NRG1: variants seen among roughly 807,000 people sequenced by gnomAD.
NRG1 encodes the protein neuregulin 1, also known as pro-neuregulin-1, membrane-bound isoform.
NRG1 carries 18 observed loss-of-function variants against 63.8 expected under a neutral mutation model. That is an observed-to-expected ratio of 0.28 (90% CI 0.19 to 0.42). NRG1 has a LOEUF of 0.42. Ranked by LOEUF, NRG1 falls within the 10% of genes least tolerant of loss-of-function variation. The probability of loss-of-function intolerance (pLI) is 1.00; values close to 1 mark genes in which losing one functional copy is unlikely to be tolerated. For synonymous variants in NRG1, 302 were observed against 301.3 expected (o/e 1.00, Z -0.02); for missense variants, 762 against 814.7 (o/e 0.94, Z 0.79).
At position 32,670,820 on chromosome 8, in the gene NRG1, T is replaced by C. The variant is rs149296367; in HGVS notation, c.502+53935T>C. On this transcript the variant is annotated intron_variant, in intron 5 of 11. Coordinates refer to ENST00000356819, the Ensembl canonical transcript of NRG1. Reference sequence around the variant, plus strand: ...TGGTTTGCTTAAAATCACACATCCATGGGTAAGCAAGGTGATGGATAATCA... The same window carrying C: ...TGGTTTGCTTAAAATCACACATCCACGGGTAAGCAAGGTGATGGATAATCA... 1.2e-4 allele frequency among the ~76,000 whole-genome samples: 19 copies of C among 152,264 alleles called. No homozygotes were observed. In the East Asian group the frequency reaches 3.7e-3, roughly 29 times the overall value.
At chr8:32,023,392 G>A (rs1816755012) in intron 1 of NRG1, among the ~76,000 whole-genome samples, 1 of 152,142 alleles carries the variant, frequency 6.6e-6, no homozygotes. Flanking sequence ...AAAAATCCTG[G>A]AATGTGCAGG....
intron 1 of NRG1, among the ~76,000 whole-genome samples, chr8:32,396,653 G>C (rs1812473247): frequency 6.6e-6 from 1 of 152,116 alleles, no homozygotes; most frequent in Non-Finnish European, 1.5e-5. Context: ...TCACTATGTT[G>C]GTTAGGCTAG....
At chr8:32,253,239 A>G (rs1303458269) in intron 1 of NRG1, among the ~76,000 whole-genome samples, 1 of 152,174 alleles carries the variant, frequency 6.6e-6, no homozygotes, top group Non-Finnish European at 1.5e-5. Flanking sequence ...AATGTTGAAT[A>G]GGAGTGGTGA....
At chr8:32,278,125 G>A (rs1198604357) in intron 1 of NRG1, among the ~76,000 whole-genome samples, 1 of 152,266 alleles carries the variant, frequency 6.6e-6, no homozygotes, top group African/African-American at 2.4e-5. Flanking sequence ...CTGTTTCTCA[G>A]AGATCCTGGA....
intron 3 of NRG1, among the ~76,000 whole-genome samples, chr8:32,608,270 C>G (rs1845702403): frequency 6.6e-6 from 1 of 151,482 alleles, no homozygotes; most frequent in Admixed American, 6.6e-5. Flanking sequence ...CCTCTGACTC[C>G]TGGACTGAAG....
chr8:32,198,534 G>A (rs1843190284), intron 1 of NRG1, among the ~76,000 whole-genome samples: 1 of 152,186 alleles, frequency 6.6e-6, no homozygotes, highest in Admixed American at 6.5e-5. Flanking sequence ...GATATGTAAT[G>A]CAGCAATTGC....
rs375749968 is a variant in NRG1, at chr8:31,786,580, G to A, written c.37+147149G>A. 1.3e-4 allele frequency among the ~76,000 whole-genome samples: 20 copies of A among 152,266 alleles called. 2 individuals carry two copies. The highest frequency in any genetic ancestry group is 4.1e-4 in the South Asian group (2 of 4,828). Reference sequence around the variant, plus strand: ...CCAGTCACAAGCTCCAGTTTGTTGCGTCTGTGCTTCCAGCCAGCTGGCTAT... The same window carrying A: ...CCAGTCACAAGCTCCAGTTTGTTGCATCTGTGCTTCCAGCCAGCTGGCTAT... On this transcript the variant is annotated intron_variant, in intron 1 of 10. Coordinates refer to the NRG1 transcript ENST00000519301.
At chr8:31,745,073 G>A (rs1258715966) in intron 1 of NRG1, among the ~76,000 whole-genome samples, 1 of 151,956 alleles carries the variant, frequency 6.6e-6, no homozygotes, top group African/African-American at 2.4e-5. Flanking sequence ...GTTAATGCTT[G>A]TCAGAATTTT....
At chr8:31,781,481 C>T (rs1427091318) in intron 1 of NRG1, among the ~76,000 whole-genome samples, 10 of 152,130 alleles carry the variant, frequency 6.6e-5, no homozygotes, top group Admixed American at 6.5e-4. Flanking sequence ...CCAATGGGAA[C>T]TTGACATAGA....
intron 1 of NRG1, among the ~76,000 whole-genome samples, chr8:31,931,430 G>C (rs1159191390): frequency 6.6e-6 from 1 of 152,108 alleles, no homozygotes; most frequent in African/African-American, 2.4e-5. Flanking sequence ...GTGTGACCTT[G>C]GGCAAGCTTT....
At chr8:32,048,292 C>T (rs1563723627) in intron 1 of NRG1, among the ~76,000 whole-genome samples, 1 of 149,702 alleles carries the variant, frequency 6.7e-6, no homozygotes, top group Non-Finnish European at 1.5e-5. Flanking sequence ...CATACATGTA[C>T]ATATATATTC....
At chr8:32,377,314 A>G (rs1181897987) in intron 1 of NRG1, among the ~76,000 whole-genome samples, 1 of 152,214 alleles carries the variant, frequency 6.6e-6, no homozygotes, top group Non-Finnish European at 1.5e-5. Flanking sequence ...CTAATTTTCA[A>G]CCAGAGCTAA....
At chr8:32,464,396 A>G (rs1437753793) in intron 1 of NRG1, among the ~76,000 whole-genome samples, 1 of 151,328 alleles carries the variant, frequency 6.6e-6, no homozygotes, top group East Asian at 2.0e-4. Flanking sequence ...AGGTTGCAGA[A>G]TCCCAATCCA....
chr8:32,355,800 A>G lies in NRG1; in HGVS notation c.38-240028A>G, dbSNP rs550483065. 2.8e-4 allele frequency among the ~76,000 whole-genome samples: 42 copies of G among 152,276 alleles called. No homozygotes were observed. In the South Asian group the frequency reaches 3.3e-3, roughly 12 times the overall value. On this transcript the variant is annotated intron_variant, in intron 1 of 10. Transcript: ENST00000519301. ...TTTCCATATTTTCAGAGTTCCTACA[A>G]TGGACTTGTAGTACGGTACCTGGGT...
chr8:32,665,702 G>A (rs1803968711), intron 5 of NRG1, among the ~76,000 whole-genome samples: 1 of 152,140 alleles, frequency 6.6e-6, no homozygotes, highest in Admixed American at 6.6e-5. Context: ...CACTTGTGCT[G>A]CTCAAAAACA....
intron 1 of NRG1, among the ~76,000 whole-genome samples, chr8:32,178,591 T>C (rs1841059810): frequency 6.6e-6 from 1 of 152,068 alleles, no homozygotes; most frequent in African/African-American, 2.4e-5. Flanking sequence ...GCCTAGGTGA[T>C]AGAGTGAGAC....
At chr8:31,775,183 G>T (rs937303419) in intron 1 of NRG1, among the ~76,000 whole-genome samples, 30 of 152,306 alleles carry the variant, frequency 2.0e-4, no homozygotes, top group African/African-American at 7.0e-4. Flanking sequence ...GCAAAGTCAT[G>T]GCATCAGCAC....
chr8:31,964,666 A>G (rs1806026386), intron 1 of NRG1, among the ~76,000 whole-genome samples: 1 of 152,206 alleles, frequency 6.6e-6, no homozygotes, highest in African/African-American at 2.4e-5. Context: ...ATCAAAAACA[A>G]TAACAAAACA....
chr8:31,841,217 T>A (rs935374908), intron 1 of NRG1, among the ~76,000 whole-genome samples: 1 of 151,802 alleles, frequency 6.6e-6, no homozygotes, highest in African/African-American at 2.4e-5. Flanking sequence ...GAGTGGCCTA[T>A]TTGTCATGGA....
Sources: allele counts gnomAD v4.1 joint callset (sites outside exome capture counted in the v4.1 genomes callset), GRCh38; gene constraint gnomAD v4.1.1; transcripts MANE v1.5; gene names NCBI Gene and HGNC (gene_info 2026-07-23, HGNC 2026-07-21).